MSTO1: variants seen among roughly 807,000 people sequenced by gnomAD.
MSTO1 encodes the protein misato mitochondrial distribution and morphology regulator 1, also known as protein misato homolog 1.
In MSTO1, 24 loss-of-function variants were observed where a neutral mutation model predicts 55.7. The ratio of observed to expected loss-of-function variants is 0.43; its 90% CI spans 0.31 to 0.61. The LOEUF is 0.61. MSTO1 is among the 20% of genes least tolerant of loss of function. The probability of loss-of-function intolerance (pLI) is 0.09; values close to 1 mark genes in which losing one functional copy is unlikely to be tolerated. For missense variants in MSTO1, 363 were observed against 625.7 expected (o/e 0.58, Z 4.48); for synonymous variants, 162 against 252.8 (o/e 0.64, Z 3.41).
Position 155,612,555 on chromosome 1 carries a change from T to G in MSTO1, c.951T>G (p.Pro317=), listed in dbSNP as rs1571247318. The change falls in exon 9 of 14, where the codon CCT becomes CCG. Residue 317 remains proline, a synonymous_variant. Coordinates refer to ENST00000245564, the MANE Select transcript of MSTO1 (RefSeq NM_018116.4). ...GACCCGAGCCACCTGTCAGCTTCCC[T>G]TACCTGCATTATGATGTAAGTCTCG... ...GLRPEPPVSF[P]YLHYDATLPF... 6.2e-7 allele frequency: 1 copy of G among 1,611,722 alleles called. No homozygotes were observed. Among genetic ancestry groups the G allele is most frequent in the East Asian group, 2.2e-5 (1 of 44,872 alleles).
At chr1:155,590,881 G>A in the MSTO1 span, 2 of 1,611,880 alleles carry the variant, frequency 1.2e-6, no homozygotes, top group East Asian at 4.5e-5. Flanking sequence ...CAGGACCCCT[G>A]AGGTGACAAA....
the MSTO1 span, among the ~76,000 whole-genome samples, chr1:155,603,106 T>G: frequency 6.6e-6 from 1 of 152,166 alleles, no homozygotes; most frequent in Non-Finnish European, 1.5e-5. Flanking sequence ...GGCTCATGCC[T>G]GTAATCCCAG....
At chr1:155,586,139 T>C in the MSTO1 span, among the ~76,000 whole-genome samples, 2 of 152,046 alleles carry the variant, frequency 1.3e-5, no homozygotes, top group Non-Finnish European at 2.9e-5. Flanking sequence ...TCTGCTAATA[T>C]GAGCATCTTT....
At chr1:155,563,483 A>T in the MSTO1 span, 584 of 456,562 alleles carry the variant, frequency 1.3e-3, 1 homozygote, top group East Asian at 4.3e-3. Context: ...CCCGAGGAAG[A>T]TCGGCGTGGT....
chr1:155,565,295 C>CAAA, the MSTO1 span, among the ~76,000 whole-genome samples: 1 of 53,576 alleles, frequency 1.9e-5, no homozygotes, highest in African/African-American at 6.9e-5. Flanking sequence ...AACTCCTTCT[C>CAAA]AAAAAAAAAA....
the MSTO1 span, among the ~76,000 whole-genome samples, chr1:155,602,489 A>G: frequency 2.8e-4 from 42 of 152,114 alleles, no homozygotes; most frequent in African/African-American, 6.3e-4. Flanking sequence ...AACAACAACA[A>G]CAGCAGCAAC....
chr1:155,584,691 A>AAAAAAAGAAAG, the MSTO1 span, among the ~76,000 whole-genome samples: 1 of 75,570 alleles, frequency 1.3e-5, no homozygotes, highest in African/African-American at 4.9e-5. Context: ...AAAAAAAAAA[A>AAAAAAAGAAAG]AAAGAAAGAA....
At chr1:155,577,345 C>T in the MSTO1 span, among the ~76,000 whole-genome samples, 20 of 152,122 alleles carry the variant, frequency 1.3e-4, no homozygotes, top group African/African-American at 4.6e-4. Flanking sequence ...GCCTCGGCCT[C>T]CCAAAGTGCT....
At chr1:155,610,171 C>T (rs1673499547), upstream of MSTO1, 5 of 1,105,192 alleles carry the variant, frequency 4.5e-6, no homozygotes, top group Admixed American at 1.2e-4. Flanking sequence ...AACACCCGCC[C>T]ACGCGCCTGC....
chr1:155,572,754 G>A, the MSTO1 span, among the ~76,000 whole-genome samples: 1,066 of 152,044 alleles, frequency 7.0e-3, 2 homozygotes, highest in Non-Finnish European at 8.9e-3. Flanking sequence ...GGGTTCAAGC[G>A]ATTCTCCCAC....
chr1:155,598,954 A>G, the MSTO1 span: 2 of 1,188,038 alleles, frequency 1.7e-6, no homozygotes, highest in Non-Finnish European at 2.5e-6. Context: ...TGTTAGGTTC[A>G]GTTATCTTGT....
the MSTO1 span, among the ~76,000 whole-genome samples, chr1:155,577,162 C>T: frequency 6.7e-6 from 1 of 150,332 alleles, no homozygotes; most frequent in African/African-American, 2.4e-5. Flanking sequence ...AATCTCAGCT[C>T]ACTGCAAGCT....
At chr1:155,593,943 T>A in the MSTO1 span, among the ~76,000 whole-genome samples, 4 of 151,394 alleles carry the variant, frequency 2.6e-5, no homozygotes, top group Admixed American at 2.6e-4. Flanking sequence ...CACTCCAGCC[T>A]GGGCAACAGA....
the MSTO1 span, chr1:155,591,180 G>T: frequency 6.2e-7 from 1 of 1,613,024 alleles, no homozygotes; most frequent in African/African-American, 1.3e-5. Flanking sequence ...TTTCCACATG[G>T]GCAGGACGCA....
the MSTO1 span, among the ~76,000 whole-genome samples, chr1:155,596,657 T>C: frequency 6.6e-6 from 1 of 152,126 alleles, no homozygotes; most frequent in African/African-American, 2.4e-5. Flanking sequence ...CACAGTGGTA[T>C]GTGCCTGTAG....
At chr1:155,603,430 C>T in the MSTO1 span, among the ~76,000 whole-genome samples, 1 of 151,914 alleles carries the variant, frequency 6.6e-6, no homozygotes, top group Non-Finnish European at 1.5e-5. Context: ...ACAAAAATTA[C>T]AAAAAGAAAT....
the MSTO1 span, among the ~76,000 whole-genome samples, chr1:155,583,340 G>C: frequency 6.6e-6 from 1 of 151,192 alleles, no homozygotes; most frequent in Non-Finnish European, 1.5e-5. Flanking sequence ...AGGAGTTAGA[G>C]ACCAGCCTAG....
At chr1:155,610,210 G>C (rs1467050880), upstream of MSTO1, 6 of 666,370 alleles carry the variant, frequency 9.0e-6, no homozygotes, top group Non-Finnish European at 1.6e-5. Flanking sequence ...GCAGCGAGCG[G>C]CGCGGCTGAG....
upstream of MSTO1, chr1:155,609,935 C>T (rs186910700): frequency 4.7e-4 from 198 of 418,932 alleles, no homozygotes; most frequent in East Asian, 7.6e-3. Flanking sequence ...GGAAGCAGAG[C>T]CTTCCACGGC....
Sources: allele counts gnomAD v4.1 joint callset (sites outside exome capture counted in the v4.1 genomes callset), GRCh38; gene constraint gnomAD v4.1.1; transcripts MANE v1.5; gene names NCBI Gene and HGNC (gene_info 2026-07-23, HGNC 2026-07-21).